WWOX: variants seen among roughly 807,000 people sequenced by gnomAD.
The protein encoded by WWOX is WW domain-containing oxidoreductase.
WWOX carries 69 observed loss-of-function variants against 46.2 expected under a neutral mutation model. The ratio of observed to expected loss-of-function variants is 1.49; its 90% CI spans 1.23 to 1.82. WWOX has a LOEUF of 1.82. WWOX is among the 40% of genes most tolerant of loss of function. The pLI is 0.00. For synonymous variants in WWOX, 359 were observed against 202.6 expected (o/e 1.77, Z -6.56); for missense variants, 919 against 542.6 (o/e 1.69, Z -6.89).
chr16:79,057,564 C>T (rs1008067428), intron 8 of WWOX, among the ~76,000 whole-genome samples: 2 of 129,960 alleles, frequency 1.5e-5, no homozygotes, highest in Non-Finnish European at 3.3e-5. Flanking sequence ...CTCTCATTGC[C>T]TTCAGAGAGT....
chr16:78,431,786 A>G (rs2083223830), intron 7 of WWOX, among the ~76,000 whole-genome samples: 1 of 151,318 alleles, frequency 6.6e-6, no homozygotes, highest in Admixed American at 6.6e-5. Flanking sequence ...GCACAATCAT[A>G]GCTCACTGCA....
intron 1 of WWOX, among the ~76,000 whole-genome samples, chr16:78,104,297 A>T (rs190533628): frequency 6.8e-6 from 1 of 147,066 alleles, no homozygotes; most frequent in South Asian, 2.1e-4. Flanking sequence ...TCAACTCTAG[A>T]TCTCCCTGCT....
At chr16:78,350,713 A>G (rs9934671) in intron 5 of WWOX, among the ~76,000 whole-genome samples, 65,177 of 119,436 alleles carry the variant, frequency 0.55, 26,266 homozygotes, top group African/African-American at 0.69. Context: ...ACGGACATGT[A>G]GGTTGTTTCC....
intron 8 of WWOX, among the ~76,000 whole-genome samples, chr16:78,518,810 G>A (rs1308459477): frequency 1.3e-5 from 2 of 152,164 alleles, no homozygotes; most frequent in African/African-American, 4.8e-5. Context: ...TAGCTGGGTG[G>A]TAGAGAAATG....
chr16:78,736,002 T>G (rs2142400197), intron 8 of WWOX, among the ~76,000 whole-genome samples: 1 of 152,288 alleles, frequency 6.6e-6, no homozygotes, highest in Non-Finnish European at 1.5e-5. Context: ...TGGCCTCTGT[T>G]GACTGTCTGA....
chr16:78,339,950 T>G (rs28680974), intron 5 of WWOX, among the ~76,000 whole-genome samples: 20,203 of 96,624 alleles, frequency 0.21, 5,596 homozygotes, highest in African/African-American at 0.34. Context: ...AGTATTTTTA[T>G]CCTCTATTTA....
rs1020551729 is a variant in WWOX at position 78,657,011 on chromosome 16, C to T, written c.1056+224259C>T. Among the ~76,000 whole-genome samples, 7 of 152,208 alleles carry T rather than the reference C, an allele frequency of 4.6e-5. No homozygotes were observed. The South Asian group carries it at 6.2e-4, about 14-fold the overall frequency. On this transcript the variant is annotated intron_variant, in intron 8 of 8. Transcript: ENST00000566780. ...CACATGGTGGATGAGCGTTTTGCTT[C>T]GTGTACTCATTTATTTCTGAAAATA...
chr16:78,870,366 G>GGA (rs1194410115), intron 8 of WWOX, among the ~76,000 whole-genome samples: 13 of 152,146 alleles, frequency 8.5e-5, no homozygotes, highest in Admixed American at 4.6e-4. Flanking sequence ...GTCCATTAAA[G>GGA]GACATCTCCC....
intron 4 of WWOX, among the ~76,000 whole-genome samples, chr16:78,137,028 TTACCATTCACA>T (rs1310157342): frequency 2.0e-5 from 3 of 152,106 alleles, no homozygotes; most frequent in African/African-American, 7.2e-5. Flanking sequence ...AATCCTGGAA[TTACCATTCACA>T]TACCATTCAC....
At chr16:78,750,749 G>C (rs1276234013) in intron 8 of WWOX, among the ~76,000 whole-genome samples, 5 of 152,228 alleles carry the variant, frequency 3.3e-5, no homozygotes, top group African/African-American at 1.2e-4. Flanking sequence ...GCGGTATTTG[G>C]TTTTCTGTTT....
intron 8 of WWOX, among the ~76,000 whole-genome samples, chr16:78,869,578 G>A (rs2044081859): frequency 6.6e-6 from 1 of 152,228 alleles, no homozygotes; most frequent in African/African-American, 2.4e-5. Context: ...GTGCTGTGTT[G>A]AAAAGGATTT....
chr16:78,239,028 G>A (rs985134144), intron 5 of WWOX, among the ~76,000 whole-genome samples: 1 of 152,094 alleles, frequency 6.6e-6, no homozygotes, highest in Non-Finnish European at 1.5e-5. Flanking sequence ...TGGACTCCTC[G>A]TACCTGCCTG....
intron 5 of WWOX, among the ~76,000 whole-genome samples, chr16:78,244,151 C>G (rs1003997853): frequency 2.6e-5 from 4 of 152,118 alleles, no homozygotes; most frequent in Admixed American, 6.6e-5. Context: ...CTTGATACCT[C>G]GTAACCTCAG....
chr16:79,143,474 T>G (rs778945686), intron 8 of WWOX, among the ~76,000 whole-genome samples: 2 of 152,216 alleles, frequency 1.3e-5, no homozygotes, highest in African/African-American at 4.8e-5. Context: ...AAGTGGATTC[T>G]TCGACTTTAA....
At chr16:78,115,318 G>C (rs182976781) in intron 4 of WWOX, among the ~76,000 whole-genome samples, 164 bp downstream of exon 4, 195 of 152,214 alleles carry the variant, frequency 1.3e-3, no homozygotes, top group Non-Finnish European at 2.0e-3. Context: ...AAATCCTAAT[G>C]TTGTCATGGA....
intron 1 of WWOX, among the ~76,000 whole-genome samples, chr16:78,107,226 G>T (rs1014364242): frequency 1.2e-4 from 19 of 152,124 alleles, no homozygotes; most frequent in African/African-American, 4.6e-4. Flanking sequence ...GTAGCACCTG[G>T]CTGTTTCCCT....
chr16:78,418,450 C>T (rs575409243), intron 6 of WWOX, among the ~76,000 whole-genome samples: 1 of 151,988 alleles, frequency 6.6e-6, no homozygotes, highest in African/African-American at 2.4e-5. Flanking sequence ...TTCCATCTGA[C>T]ACTGTGAAGC....
intron 8 of WWOX, among the ~76,000 whole-genome samples, chr16:78,727,667 T>A (rs576133945): frequency 6.6e-6 from 1 of 152,294 alleles, no homozygotes; most frequent in South Asian, 2.1e-4. Context: ...CTTTTTCCCT[T>A]ATGTCAAGCT....
intron 8 of WWOX, among the ~76,000 whole-genome samples, chr16:79,184,195 T>C (rs1268759411): frequency 1.3e-5 from 2 of 152,200 alleles, no homozygotes; most frequent in African/African-American, 2.4e-5. Flanking sequence ...CTAATTCAAA[T>C]TCATTGAGTC....
Sources: allele counts gnomAD v4.1 joint callset (sites outside exome capture counted in the v4.1 genomes callset), GRCh38; gene constraint gnomAD v4.1.1; transcripts MANE v1.5; gene names NCBI Gene and HGNC (gene_info 2026-07-23, HGNC 2026-07-21).